The following THSD7B variants were observed in gnomAD, a reference collection of about 807,000 sequenced individuals.
THSD7B encodes thrombospondin type-1 domain-containing protein 7B.
Under a neutral mutation model 213.6 loss-of-function variants are expected in THSD7B, and 138 were observed. That is an observed-to-expected ratio of 0.65 (90% CI 0.56 to 0.74). The LOEUF is 0.74. Among genes scored for constraint, THSD7B ranks in the 30% least tolerant of loss-of-function variants. The pLI, the probability that THSD7B is intolerant of heterozygous loss-of-function variation, is 0.00. For synonymous variants in THSD7B, 742 were observed against 687.0 expected (o/e 1.08, Z -1.25); for missense variants, 1,931 against 1,991.5 (o/e 0.97, Z 0.58).
intron 12 of THSD7B, among the ~76,000 whole-genome samples, chr2:137,396,803 C>A (rs1686203466): frequency 6.6e-6 from 1 of 151,598 alleles, no homozygotes; most frequent in Non-Finnish European, 1.5e-5. Flanking sequence ...GAGTCTAAGT[C>A]TCTTTGTAGG....
chr2:137,368,840 C>CA (rs1558772826), intron 12 of THSD7B, among the ~76,000 whole-genome samples: 1 of 152,042 alleles, frequency 6.6e-6, no homozygotes, highest in African/African-American at 2.4e-5. Context: ...CATTTGCAAT[C>CA]ATGACCACAA....
chr2:137,213,444 T>C (rs1361484096), intron 7 of THSD7B, among the ~76,000 whole-genome samples: 1 of 148,086 alleles, frequency 6.8e-6, no homozygotes, highest in African/African-American at 2.5e-5. Flanking sequence ...AGATTATATA[T>C]TATAATATAT....
At chr2:137,665,214 T>C (rs189552344) in intron 26 of THSD7B, among the ~76,000 whole-genome samples, 3 of 152,322 alleles carry the variant, frequency 2.0e-5, no homozygotes, top group African/African-American at 7.2e-5. Context: ...GGTTCACCCA[T>C]TGCCTGTGGA....
intron 12 of THSD7B, among the ~76,000 whole-genome samples, chr2:137,385,800 T>C (rs1226862841): frequency 6.6e-6 from 1 of 152,192 alleles, no homozygotes; most frequent in Admixed American, 6.5e-5. Flanking sequence ...ATCCCAGAAT[T>C]CTTTAATGAA....
chr2:137,427,089 C>T (rs1339324109), intron 14 of THSD7B, among the ~76,000 whole-genome samples: 1 of 151,834 alleles, frequency 6.6e-6, no homozygotes, highest in Admixed American at 6.6e-5. Context: ...ATCTAAACCA[C>T]AATAAGATAT....
intron 2 of THSD7B, among the ~76,000 whole-genome samples, chr2:137,022,425 G>T (rs1213446780): frequency 3.3e-5 from 5 of 151,844 alleles, no homozygotes; most frequent in African/African-American, 7.3e-5. Context: ...TGAATTTTTT[G>T]ATTTTATGAA....
At chr2:136,830,606 A>G (rs1682737598) in intron 1 of THSD7B, among the ~76,000 whole-genome samples, 1 of 152,124 alleles carries the variant, frequency 6.6e-6, no homozygotes, top group Admixed American at 6.6e-5. Flanking sequence ...TTTATTGTAA[A>G]TGTATTTTCT....
intron 1 of THSD7B, among the ~76,000 whole-genome samples, chr2:136,834,632 T>G (rs1682815829): frequency 6.6e-6 from 1 of 152,152 alleles, no homozygotes; most frequent in South Asian, 2.1e-4. Context: ...TCTGTGATTG[T>G]AGATGGAAAT....
chr2:137,329,877 T>C (rs1291567271), intron 12 of THSD7B, among the ~76,000 whole-genome samples: 2 of 152,138 alleles, frequency 1.3e-5, no homozygotes, highest in African/African-American at 4.8e-5. Flanking sequence ...GAGACCTTTG[T>C]GGCAGCCCCT....
chr2:137,595,418 G>C (rs1681941091), intron 17 of THSD7B, among the ~76,000 whole-genome samples: 1 of 151,894 alleles, frequency 6.6e-6, no homozygotes, highest in African/African-American at 2.4e-5. Flanking sequence ...ATAGCACGTG[G>C]CTAATTAGGC....
rs551158273 is a variant in THSD7B at position 137,239,115 on chromosome 2, A to G, written c.2151-3342A>G. Among the ~76,000 whole-genome samples the G allele has an allele frequency of 5.9e-5, 9 of 152,230 alleles. No individual in the cohort carries two copies. The East Asian group carries it at 1.5e-3, about 26-fold the overall frequency. On this transcript the variant is annotated intron_variant, in intron 9 of 27. Coordinates refer to ENST00000409968, the MANE Select transcript of THSD7B (RefSeq NM_001316349.2). ...TCAACCACCTCCTCCTCCACTTCAT[A>G]TCCTACTTCCTTAACACAACCACTT...
intron 10 of THSD7B, among the ~76,000 whole-genome samples, chr2:137,247,671 G>C (rs1320938041): frequency 1.3e-5 from 2 of 152,136 alleles, no homozygotes; most frequent in Non-Finnish European, 2.9e-5. Flanking sequence ...GCCAACAGCA[G>C]AGACTGCTGC....
intron 3 of THSD7B, among the ~76,000 whole-genome samples, chr2:137,078,962 T>C (rs1687687983): frequency 6.6e-6 from 1 of 152,180 alleles, no homozygotes; most frequent in South Asian, 2.1e-4. Flanking sequence ...AAGTAGAGTG[T>C]TGTTTGTGAT....
At chr2:137,091,445 G>A (rs183919210) in intron 3 of THSD7B, among the ~76,000 whole-genome samples, 20 of 152,226 alleles carry the variant, frequency 1.3e-4, no homozygotes, top group Admixed American at 1.1e-3. Context: ...TAGTTTGCTC[G>A]GGCTGTCGTA....
chr2:137,620,133 T>G (rs1035765406), intron 19 of THSD7B, among the ~76,000 whole-genome samples: 2 of 152,186 alleles, frequency 1.3e-5, no homozygotes, highest in Admixed American at 6.5e-5. Context: ...GTTACGACCA[T>G]GATTGTTTTT....
chr2:137,038,430 C>T (rs1457495607), intron 2 of THSD7B, among the ~76,000 whole-genome samples: 1 of 152,148 alleles, frequency 6.6e-6, no homozygotes, highest in Admixed American at 6.6e-5. Flanking sequence ...TGCTGATGAG[C>T]CCGGCATCCC....
intron 2 of THSD7B, among the ~76,000 whole-genome samples, chr2:136,938,821 T>C (rs1332119459): frequency 6.6e-6 from 1 of 152,196 alleles, no homozygotes; most frequent in Non-Finnish European, 1.5e-5. Flanking sequence ...AGTAATCTGA[T>C]GAATAAACCA....
At chr2:137,260,766 A>G (rs1682425021) in intron 10 of THSD7B, among the ~76,000 whole-genome samples, 1 of 152,184 alleles carries the variant, frequency 6.6e-6, no homozygotes, top group South Asian at 2.1e-4. Context: ...CGCTGTCTCA[A>G]AAAATAAATA....
intron 12 of THSD7B, among the ~76,000 whole-genome samples, chr2:137,306,144 C>T (rs1266400849): frequency 6.6e-6 from 1 of 152,022 alleles, no homozygotes; most frequent in Non-Finnish European, 1.5e-5. Context: ...GACTGGAGAG[C>T]TCAGTAGGTT....
Sources: gnomAD v4.1 joint callset for allele counts (sites outside exome capture counted in the v4.1 genomes callset) on GRCh38, gnomAD v4.1.1 for gene constraint, MANE v1.5 for transcripts, NCBI Gene and HGNC (gene_info 2026-07-23, HGNC 2026-07-21) for gene names.